The following TNXB variants were observed in gnomAD, a reference collection of about 807,000 sequenced individuals.
TNXB encodes the protein tenascin-X.
TNXB carries 183 observed loss-of-function variants against 340.5 expected under a neutral mutation model. That is an observed-to-expected ratio of 0.54 (90% CI 0.48 to 0.61). The LOEUF (loss-of-function observed/expected upper bound fraction) is 0.61, where lower values mean the gene tolerates loss of function less well. Among genes scored for constraint, TNXB ranks in the 20% least tolerant of loss-of-function variants. The pLI, the probability that TNXB is intolerant of heterozygous loss-of-function variation, is 0.00. For missense variants in TNXB, 4,613 were observed against 5,446.4 expected, an observed-to-expected ratio of 0.85 and a Z score of 4.82; for synonymous variants, 2,121 against 2,314.5, an observed-to-expected ratio of 0.92 and a Z score of 2.40.
intron 24 of TNXB, among the ~76,000 whole-genome samples, chr6:32,054,406 T>C (rs995939411): frequency 2.0e-5 from 3 of 152,158 alleles, no homozygotes; most frequent in African/African-American, 7.2e-5. Flanking sequence ...AGTGGTCCCC[T>C]CCTCTGCTCC....
rs1582337456 is a variant in TNXB, at chr6:32,046,301, G to GCACT, written c.10476_10479dup (p.Pro3494SerfsTer60). ...ACTGTGCGCTGGTCTGCGGCCACAG[G>GCACT]CACTGCCCTGGGCTGCCCGTCCGTG... On this transcript the variant is annotated frameshift_variant, in exon 31 of 44. Transcript: ENST00000644971. LOFTEE classifies it high-confidence loss of function. The surrounding 1 kb of genome is among the most constrained non-coding windows in gnomAD (Gnocchi z 6.9). The GCACT allele has an allele frequency of 6.2e-7, 1 of 1,606,516 alleles. No individual in the cohort carries two copies. The highest frequency in any genetic ancestry group is 8.5e-7 in the Non-Finnish European group (1 of 1,178,160).
chr6:32,107,260 G>A (rs1418117987), intron 1 of TNXB, among the ~76,000 whole-genome samples: 3 of 152,210 alleles, frequency 2.0e-5, no homozygotes, highest in African/African-American at 4.8e-5. Flanking sequence ...TCCCTGCACA[G>A]TGGGGGAAAG....
chr6:32,083,514 C>A lies in TNXB; in HGVS notation c.3445+899G>T, dbSNP rs1023877328. Among the ~76,000 whole-genome samples the A allele has an allele frequency of 6.6e-6, 1 of 152,182 alleles. No individual in the cohort carries two copies. The highest frequency in any genetic ancestry group is 2.4e-5 in the African/African-American group (1 of 41,426). On this transcript the variant is annotated intron_variant, in intron 8 of 43. Transcript: ENST00000644971. This position sits in a 1 kb window ranked among gnomAD's most constrained non-coding sequence, Gnocchi z 4.6. ...ATCTAAGTTTATCTAAGGCGTTGTT[C>A]CCCACCTCTGCTGCTCCCTGCCTCA...
chr6:32,079,411 G>T lies in TNXB; in HGVS notation c.4043-46C>A. 6.8e-7 allele frequency: 1 copy of T among 1,466,732 alleles called. No individual in the cohort carries two copies. Among genetic ancestry groups the T allele is most frequent in the Non-Finnish European group, 9.3e-7 (1 of 1,078,970 alleles). 90.9% of individuals were successfully genotyped at this position (1,466,732 alleles called of 1,614,324 possible). ...ATAAAGGGCTGCTGGCTTTGCTGCT[G>T]CTGCCCACAGATGACAGCCATGGAA... On this transcript the variant is annotated intron_variant, in intron 10 of 43. Transcript: ENST00000644971. The surrounding 1 kb of genome is among the most constrained non-coding windows in gnomAD (Gnocchi z 7.1).
rs759022658 is a variant in TNXB at position 32,069,578 on chromosome 6, G to A, written c.5562C>T (p.Gly1854=). The A allele has an allele frequency of 1.3e-6, 2 of 1,589,094 alleles. No homozygotes were observed. The highest frequency in any genetic ancestry group is 1.1e-5 in the South Asian group (1 of 88,910). ...CAGTAATGGCGACGGCCGAGATGGGGCCCACACGCTTGCCGTGGTGCAGCC... is the reference window on the plus strand; with the variant it reads ...CAGTAATGGCGACGGCCGAGATGGGACCCACACGCTTGCCGTGGTGCAGCC... ...LYGLHHGKRV[G]PISAVAITAG... is the part of the protein sequence containing the mutation. The change falls in exon 15 of 44, where the codon GGC becomes GGT. Residue 1854 remains glycine, a synonymous_variant. Coordinates refer to ENST00000644971, the MANE Select transcript of TNXB (RefSeq NM_001365276.2). The surrounding 1 kb of genome is among the most constrained non-coding windows in gnomAD (Gnocchi z 6.2).
At chr6:32,059,134 C>A (rs1434108578) in intron 21 of TNXB, among the ~76,000 whole-genome samples, 2 of 151,678 alleles carry the variant, frequency 1.3e-5, no homozygotes, top group African/African-American at 4.9e-5. Context: ...AAAAGAAATT[C>A]TGGGCTGGGA....
rs781225563 is a variant in TNXB, at chr6:32,052,784, C to T, written c.9001G>A (p.Glu3001Lys). 1.2e-5 allele frequency: 19 copies of T among 1,613,786 alleles called. No individual in the cohort carries two copies. Among genetic ancestry groups the T allele is most frequent in the East Asian group, 1.1e-4 (5 of 44,878 alleles). ...GRPQVVRVRG[E>K]ESEVTVGGLE... ...CCCCCCACGGTGACCTCGCTCTCCT[C>T]GCCCCTGACACGCACCACCTGGGGC... The change falls in exon 26 of 44, where the codon GAG becomes AAG. Residue 3001 changes from glutamate to lysine, a missense_variant. Transcript: ENST00000644971. The surrounding 1 kb of genome is among the most constrained non-coding windows in gnomAD (Gnocchi z 4.7).
At position 32,090,713 on chromosome 6, in the gene TNXB, G is replaced by C. The variant is rs1780033947; in HGVS notation, c.2359-1334C>G. On this transcript the variant is annotated intron_variant, in intron 4 of 43. Coordinates refer to ENST00000644971, the MANE Select transcript of TNXB (RefSeq NM_001365276.2). The surrounding 1 kb of genome is among the most constrained non-coding windows in gnomAD (Gnocchi z 4.3). ...GTTTTCTGGGTTGAAAAGTTTTCCTGGGCACATAGGACCTCCAGCCCTCTC... is the reference window on the plus strand; with the variant it reads ...GTTTTCTGGGTTGAAAAGTTTTCCTCGGCACATAGGACCTCCAGCCCTCTC... Among the ~76,000 whole-genome samples the C allele has an allele frequency of 6.6e-6, 1 of 152,104 alleles. No homozygotes were observed. Among genetic ancestry groups the C allele is most frequent in the Non-Finnish European group, 1.5e-5 (1 of 68,014 alleles).
rs1050946655 is a variant in TNXB, at chr6:32,080,279, C to T, written c.4043-914G>A. On this transcript the variant is annotated intron_variant, in intron 10 of 43. Transcript: ENST00000644971. The surrounding 1 kb of genome is among the most constrained non-coding windows in gnomAD (Gnocchi z 4.3). ...AGGCTGGAATGCAGTGGCGCGATCT[C>T]GGCTCACTGCAAGCTCCGCCTCCCG... 1.3e-5 allele frequency among the ~76,000 whole-genome samples: 2 copies of T among 151,860 alleles called. No individual in the cohort carries two copies. The highest frequency in any genetic ancestry group is 2.4e-5 in the African/African-American group (1 of 41,320).
intron 21 of TNXB, among the ~76,000 whole-genome samples, chr6:32,059,715 T>C (rs995546801): frequency 6.6e-6 from 1 of 151,924 alleles, no homozygotes; most frequent in Non-Finnish European, 1.5e-5. Flanking sequence ...AACATGCATA[T>C]GGAAATGAGG....
In TNXB at chr6:32,056,900, T is replaced by C. The variant is rs1231194555; in HGVS notation, c.7829A>G (p.Asp2610Gly). Residue 2610 changes from aspartate (D) to glycine (G), a missense_variant, in exon 23 of 44, where the codon GAT becomes GGT. Physicochemically the swap from Asp to Gly is moderately conservative, Grantham distance 94. Around this residue, in one of 7 missense-constraint regions of TNXB, gnomAD observed 4,327 missense variants for 4,859.4 expected, o/e 0.89. Coordinates refer to ENST00000644971, the MANE Select transcript of TNXB (RefSeq NM_001365276.2). ...CACTGCTTGGGTGGTCTCGGCTTCA[T>C]CCTCTGGAGTTGGACAGACACGTGT... ...GPVSAVGVTEDEAETTQAVPT... is the reference protein window; with the variant it reads ...GPVSAVGVTEGEAETTQAVPT... 1.9e-6 allele frequency: 3 copies of C among 1,610,700 alleles called. No individual in the cohort carries two copies. The highest frequency in any genetic ancestry group is 2.5e-6 in the Non-Finnish European group (3 of 1,178,166).
rs1479913008 is a variant in TNXB at position 32,082,429 on chromosome 6, C to T, written c.3446-103G>A. On this transcript the variant is annotated intron_variant, in intron 8 of 43. Coordinates refer to ENST00000644971, the MANE Select transcript of TNXB (RefSeq NM_001365276.2). The surrounding 1 kb of genome is among the most constrained non-coding windows in gnomAD (Gnocchi z 5.0). Reference sequence around the variant, plus strand: ...TGTGTGAGGCTGTGCAGGTTGTTCACTGCACAAAAGTGCATTTGCTGAGGG... The same window carrying T: ...TGTGTGAGGCTGTGCAGGTTGTTCATTGCACAAAAGTGCATTTGCTGAGGG... 1 of 1,252,814 alleles carries T rather than the reference C, an allele frequency of 8.0e-7. No individual in the cohort carries two copies. The allele number at this position is 1,252,814 out of a possible 1,614,324, so 77.6% of individuals were successfully genotyped here. A position where few individuals can be genotyped will look rare whatever the true frequency, so the allele number is the denominator to read the frequency against.
Position 32,049,949 on chromosome 6 carries a change from A to AG in TNXB, c.9439+48dup, listed in dbSNP as rs765764790. On this transcript the variant is annotated intron_variant, in intron 27 of 43. Transcript: ENST00000644971. This position sits in a 1 kb window ranked among gnomAD's most constrained non-coding sequence, Gnocchi z 4.5. ...CCACCAGTCATCACCAAAGAGCAAG[A>AG]GGTGGCCCTCCCACAGCTCCCACCC... The AG allele has an allele frequency of 2.6e-4, 424 of 1,609,562 alleles. 2 individuals carry two copies. The highest frequency in any genetic ancestry group is 1.2e-3 in the Middle Eastern group (7 of 6,046).
Position 32,090,923 on chromosome 6 carries a change from C to T in TNXB, c.2359-1544G>A, listed in dbSNP as rs1780044375. ...CCGCAATACACACACCTTGGATGCT[C>T]CCTGATGATGTCTGGTTCTTTCAGT... On this transcript the variant is annotated intron_variant, in intron 4 of 43. Transcript: ENST00000644971. The surrounding 1 kb of genome is among the most constrained non-coding windows in gnomAD (Gnocchi z 4.3). 1.3e-5 allele frequency among the ~76,000 whole-genome samples: 2 copies of T among 152,148 alleles called. No homozygotes were observed. Among genetic ancestry groups the T allele is most frequent in the African/African-American group, 4.8e-5 (2 of 41,428 alleles).
chr6:32,056,387 C>A (rs1562804017), intron 23 of TNXB, among the ~76,000 whole-genome samples, 199 bp downstream of exon 23: 1 of 152,108 alleles, frequency 6.6e-6, no homozygotes, highest in Non-Finnish European at 1.5e-5. Context: ...GTCACCAGCA[C>A]AGCAGAACTC....
intron 28 of TNXB, among the ~76,000 whole-genome samples, 194 bp from the exon 29 acceptor site, chr6:32,048,844 G>T (rs755553627): frequency 6.6e-6 from 1 of 152,240 alleles, no homozygotes; most frequent in Non-Finnish European, 1.5e-5. Context: ...TATGAAGTGG[G>T]TGCCATTATT....
At position 32,097,139 on chromosome 6, in the gene TNXB, G is replaced by T; in HGVS notation, c.714C>A (p.Gly238=). Residue 238 remains glycine, a synonymous_variant, in exon 3 of 44, where the codon GGC becomes GGA. Transcript: ENST00000644971. This position sits in a 1 kb window ranked among gnomAD's most constrained non-coding sequence, Gnocchi z 5.9. The part of the protein sequence containing the change: ...CVQGVCVCRA[G]FSGPDCSQRS... Reference sequence around the variant, plus strand: ...GCTGGCTGCAGTCGGGGCCTGAGAAGCCTGCCCGGCACACACACACGCCCT... The same window carrying T: ...GCTGGCTGCAGTCGGGGCCTGAGAATCCTGCCCGGCACACACACACGCCCT... 6.2e-7 allele frequency: 1 copy of T among 1,604,516 alleles called. No individual in the cohort carries two copies. The highest frequency in any genetic ancestry group is 8.5e-7 in the Non-Finnish European group (1 of 1,175,994).
chr6:32,047,039 G>A lies in TNXB; in HGVS notation c.10325-583C>T, dbSNP rs1045377462. Among the ~76,000 whole-genome samples the A allele has an allele frequency of 6.6e-6, 1 of 152,260 alleles. No homozygotes were observed. Among genetic ancestry groups the A allele is most frequent in the African/African-American group, 2.4e-5 (1 of 41,476 alleles). On this transcript the variant is annotated intron_variant, in intron 30 of 43. Coordinates refer to ENST00000644971, the MANE Select transcript of TNXB (RefSeq NM_001365276.2). This position sits in a 1 kb window ranked among gnomAD's most constrained non-coding sequence, Gnocchi z 6.2. ...AGGGTGGGGCAGGGAGAAGACAGGG[G>A]ATTAGCTGGGAGAACAGAGGGCAGA... is the stretch of plus-strand genomic sequence containing the variant.
rs1157168723 is a variant in TNXB, at chr6:32,048,074, T to C, written c.10046-62A>G. 7.1e-6 allele frequency: 11 copies of C among 1,549,224 alleles called. No individual in the cohort carries two copies. In the East Asian group the frequency reaches 2.3e-4, roughly 32 times the overall value. On this transcript the variant is annotated intron_variant, in intron 29 of 43. Transcript: ENST00000644971. ...GAGGCAAAGGGGCCACGGAGCTTCCTGGGCTGCTATGGCTCTGTGAGCCGG... is the reference window on the plus strand; with the variant it reads ...GAGGCAAAGGGGCCACGGAGCTTCCCGGGCTGCTATGGCTCTGTGAGCCGG...
Sources: allele counts gnomAD v4.1 joint callset (sites outside exome capture counted in the v4.1 genomes callset), GRCh38; gene constraint gnomAD v4.1.1; regional missense constraint gnomAD v4.1.1; non-coding constraint Gnocchi (gnomAD v3.1); transcripts MANE v1.5; gene names NCBI Gene and HGNC (gene_info 2026-07-23, HGNC 2026-07-21).